The following TAFA2 variants were observed in gnomAD, a reference collection of about 807,000 sequenced individuals.
TAFA2 encodes TAFA chemokine like family member 2.
Under a neutral mutation model 18.8 loss-of-function variants are expected in TAFA2, and 7 were observed. The ratio of observed to expected loss-of-function variants is 0.37; its 90% confidence interval spans 0.21 to 0.70. The LOEUF is 0.70. TAFA2 is among the 30% of genes least tolerant of loss of function. The pLI, the probability that TAFA2 is intolerant of heterozygous loss-of-function variation, is 0.53. For synonymous variants in TAFA2, 60 were observed against 54.2 expected (o/e 1.11, Z -0.47); for missense variants, 122 against 158.1 (o/e 0.77, Z 1.23).
At chr12:61,807,453 T>A (rs1380378540) in intron 2 of TAFA2, among the ~76,000 whole-genome samples, 1 of 151,308 alleles carries the variant, frequency 6.6e-6, no homozygotes, top group Non-Finnish European at 1.5e-5. Flanking sequence ...ATGGAGAACC[T>A]CTGCTAGGGC....
intron 1 of TAFA2, among the ~76,000 whole-genome samples, chr12:62,217,004 C>T (rs1276300165): frequency 2.0e-5 from 3 of 152,132 alleles, no homozygotes; most frequent in East Asian, 3.9e-4. Flanking sequence ...GTACAAGCTG[C>T]GACATCCTCT....
chr12:62,220,830 G>A (rs1167015806), intron 1 of TAFA2, among the ~76,000 whole-genome samples: 1 of 152,052 alleles, frequency 6.6e-6, no homozygotes, highest in Non-Finnish European at 1.5e-5. Context: ...GAAGGGGGCC[G>A]GGCGCGGTGG....
intron 2 of TAFA2, among the ~76,000 whole-genome samples, chr12:61,787,578 C>T (rs770762669): frequency 7.9e-5 from 12 of 151,642 alleles, no homozygotes; most frequent in South Asian, 2.1e-4. Context: ...AAGAGGAGGA[C>T]GAAAGTCTAG....
chr12:62,139,532 C>A (rs2136905241), intron 1 of TAFA2, among the ~76,000 whole-genome samples: 1 of 152,252 alleles, frequency 6.6e-6, no homozygotes, highest in Non-Finnish European at 1.5e-5. Flanking sequence ...TCAAACATAG[C>A]AATTCAAAGA....
intron 1 of TAFA2, among the ~76,000 whole-genome samples, chr12:62,140,645 T>C (rs10784282): frequency 0.29 from 44,688 of 152,012 alleles, 6,621 homozygotes; most frequent in Middle Eastern, 0.42. Context: ...ACTGTCTGCT[T>C]CCACTCAATC....
At chr12:62,025,674 C>A (rs572332249) in intron 1 of TAFA2, among the ~76,000 whole-genome samples, 38 of 152,084 alleles carry the variant, frequency 2.5e-4, no homozygotes, top group African/African-American at 8.9e-4. Flanking sequence ...ATAATAAACT[C>A]TGTTTTAACT....
intron 2 of TAFA2, among the ~76,000 whole-genome samples, chr12:61,802,301 T>C (rs564740823): frequency 2.0e-5 from 3 of 152,152 alleles, no homozygotes; most frequent in Admixed American, 6.5e-5. Flanking sequence ...AAGAGATATA[T>C]GCACCCCCAT....
chr12:61,958,737 G>A (rs1878782574), intron 1 of TAFA2, among the ~76,000 whole-genome samples: 1 of 151,800 alleles, frequency 6.6e-6, no homozygotes, highest in African/African-American at 2.4e-5. Flanking sequence ...TCTTCTGTGT[G>A]TTTACCAACT....
intron 4 of TAFA2, among the ~76,000 whole-genome samples, chr12:61,717,081 T>C (rs941664460): frequency 6.6e-6 from 1 of 152,216 alleles, no homozygotes; most frequent in Admixed American, 6.5e-5. Flanking sequence ...CTCTTACACA[T>C]ACATGAAATA....
chr12:61,816,120 C>T (rs547422316), intron 2 of TAFA2, among the ~76,000 whole-genome samples: 23 of 151,262 alleles, frequency 1.5e-4, no homozygotes, highest in Non-Finnish European at 3.1e-4. Context: ...ATTTCATACT[C>T]AGGTATTAAA....
intron 1 of TAFA2, among the ~76,000 whole-genome samples, chr12:62,168,727 C>G (rs758925802): frequency 6.6e-6 from 1 of 152,040 alleles, no homozygotes; most frequent in Non-Finnish European, 1.5e-5. Flanking sequence ...GTCCCAAGTA[C>G]TCTGGAGGCT....
intron 1 of TAFA2, among the ~76,000 whole-genome samples, chr12:62,235,836 C>A (rs991438809): frequency 1.3e-5 from 2 of 152,026 alleles, no homozygotes; most frequent in African/African-American, 4.8e-5. Context: ...TCCACCTTAG[C>A]CTCCTGAGTA....
At chr12:62,059,129 A>ATGTGTGTGTGTGTGTG (rs1565730990) in intron 1 of TAFA2, among the ~76,000 whole-genome samples, 10 of 76,850 alleles carry the variant, frequency 1.3e-4, no homozygotes, top group African/African-American at 4.7e-4. Context: ...ATATATATAT[A>ATGTGTGTGTGTGTGTG]TGTGTGTATA....
intron 4 of TAFA2, among the ~76,000 whole-genome samples, chr12:61,727,359 T>C (rs970046616): frequency 6.6e-6 from 1 of 151,310 alleles, no homozygotes; most frequent in Non-Finnish European, 1.5e-5. Flanking sequence ...GACCTTTTTT[T>C]TTTGACAATT....
At chr12:61,809,678 C>G (rs1871777563) in intron 2 of TAFA2, among the ~76,000 whole-genome samples, 1 of 151,318 alleles carries the variant, frequency 6.6e-6, no homozygotes, top group South Asian at 2.1e-4. Flanking sequence ...GGGTTTTCTT[C>G]CAGACTTTAT....
At chr12:61,909,467 T>C (rs113158027) in intron 1 of TAFA2, among the ~76,000 whole-genome samples, 24 of 151,768 alleles carry the variant, frequency 1.6e-4, no homozygotes, top group Non-Finnish European at 3.5e-4. Flanking sequence ...CAGGAAAGAG[T>C]ATGGTGATAG....
chr12:62,022,048 A>G, intron 1 of TAFA2: 1 of 587,928 alleles, frequency 1.7e-6, no homozygotes, highest in South Asian at 1.5e-5. Context: ...AAAGCTCTAC[A>G]CTGCCCTCTG....
intron 1 of TAFA2, among the ~76,000 whole-genome samples, chr12:62,134,365 C>G (rs186432289): frequency 7.2e-5 from 11 of 152,002 alleles, no homozygotes; most frequent in South Asian, 2.1e-4. Flanking sequence ...GAGACCAGAG[C>G]ATTTGCACAT....
intron 1 of TAFA2, among the ~76,000 whole-genome samples, chr12:61,903,654 G>T (rs1876212388): frequency 6.6e-6 from 1 of 152,048 alleles, no homozygotes; most frequent in Non-Finnish European, 1.5e-5. Flanking sequence ...CCATGTTTTT[G>T]TTAATTTTCA....
Sources: allele counts gnomAD v4.1 joint callset (sites outside exome capture counted in the v4.1 genomes callset), GRCh38; gene constraint gnomAD v4.1.1; transcripts MANE v1.5; gene names NCBI Gene and HGNC (gene_info 2026-07-23, HGNC 2026-07-21).